Variants in CDH23 observed in about 807,000 individuals in gnomAD.
The protein encoded by CDH23 is cadherin-23.
A neutral mutation model predicts 317.1 loss-of-function variants in CDH23; 189 were observed. The ratio of observed to expected loss-of-function variants is 0.60; its 90% CI spans 0.53 to 0.67. CDH23 has a LOEUF of 0.67. Ranked by LOEUF, CDH23 falls within the 30% of genes least tolerant of loss-of-function variation. CDH23 has a pLI of 0.00. For synonymous variants in CDH23, 1,839 were observed against 1,876.8 expected, an observed-to-expected ratio of 0.98 and a Z score of 0.52; for missense variants, 4,401 against 4,592.4, an observed-to-expected ratio of 0.96 and a Z score of 1.20.
intron 26 of CDH23, among the ~76,000 whole-genome samples, chr10:71,708,061 C>G (rs376966719): frequency 6.6e-6 from 1 of 152,214 alleles, no homozygotes; most frequent in East Asian, 1.9e-4. Flanking sequence ...AGACCCCTCA[C>G]ATGGCACCAG....
At chr10:71,654,027 T>G (rs905416134) in intron 14 of CDH23, among the ~76,000 whole-genome samples, 1 of 152,178 alleles carries the variant, frequency 6.6e-6, no homozygotes, top group Non-Finnish European at 1.5e-5. Flanking sequence ...GTTGAGTTTT[T>G]GTCTGTGCTC....
chr10:71,736,513 C>T (rs1839570141), intron 34 of CDH23, among the ~76,000 whole-genome samples: 1 of 152,160 alleles, frequency 6.6e-6, no homozygotes, highest in African/African-American at 2.4e-5. Context: ...AAGTTCAGGC[C>T]TTCAGGGGGT....
chr10:71,662,990 G>A (rs1039512861), intron 14 of CDH23, among the ~76,000 whole-genome samples: 2 of 152,196 alleles, frequency 1.3e-5, no homozygotes, highest in African/African-American at 4.8e-5. Flanking sequence ...GTCTCTGCAT[G>A]CGTCTTCTCT....
chr10:71,702,212 G>C lies in CDH23; in HGVS notation c.2587+1G>C, dbSNP rs1271686561. 6.2e-7 allele frequency: 1 copy of C among 1,612,806 alleles called. No individual in the cohort carries two copies. The highest frequency in any genetic ancestry group is 2.2e-5 in the East Asian group (1 of 44,864). On this transcript the variant is annotated splice_donor_variant, in intron 23 of 69. Coordinates refer to ENST00000224721, the MANE Select transcript of CDH23 (RefSeq NM_022124.6). LOFTEE classifies it high-confidence loss of function. ...AAAATCGTCGTCTCTGTTACTGACT[G>C]TATGGACCCCTCTCGCCCCTCACGG... is the stretch of plus-strand genomic sequence containing the variant.
intron 1 of CDH23, among the ~76,000 whole-genome samples, chr10:71,429,980 G>C (rs991056639): frequency 2.0e-5 from 3 of 152,196 alleles, no homozygotes; most frequent in Non-Finnish European, 4.4e-5. Flanking sequence ...GTTCCAAGGT[G>C]GCTTCGTAGA....
chr10:71,761,122 C>T (rs554664968), intron 38 of CDH23, among the ~76,000 whole-genome samples: 1 of 152,280 alleles, frequency 6.6e-6, no homozygotes, highest in South Asian at 2.1e-4. Context: ...TTTCATGCCA[C>T]TCCCAGGGGC....
chr10:71,815,099 G>T lies in CDH23; in HGVS notation c.9886G>T (p.Asp3296Tyr). The T allele has an allele frequency of 6.2e-7, 1 of 1,611,050 alleles. No homozygotes were observed. Among genetic ancestry groups the T allele is most frequent in the Non-Finnish European group, 8.5e-7 (1 of 1,179,098 alleles). The part of the protein sequence containing the change: ...HGSTGTLLAT[D>Y]LNSLPEEDQK... Reference sequence around the variant, plus strand: ...CAGCACGGGCACGCTGCTGGCCACCGACCTCAACAGCCTGCCCGAGGAAGA... The same window carrying T: ...CAGCACGGGCACGCTGCTGGCCACCTACCTCAACAGCCTGCCCGAGGAAGA... Residue 3296 changes from aspartate to tyrosine, a missense_variant, in exon 70 of 70, where the codon GAC becomes TAC. Around this residue, in one of 3 missense-constraint regions of CDH23, gnomAD observed 1,144 missense variants for 1,138.2 expected, o/e 1.01. Transcript: ENST00000224721.
chr10:71,707,536 C>T, intron 26 of CDH23: 5 of 1,039,268 alleles, frequency 4.8e-6, no homozygotes, highest in Non-Finnish European at 5.8e-6. Context: ...GTCTGCAGAG[C>T]TGTGGCCACA....
intron 41 of CDH23, among the ~76,000 whole-genome samples, chr10:71,783,768 T>C (rs1841020620): frequency 6.6e-6 from 1 of 152,248 alleles, no homozygotes; most frequent in Non-Finnish European, 1.5e-5. Flanking sequence ...CTGCCCCTCA[T>C]CCGTCCCCTT....
At chr10:71,582,857 A>G (rs1451547323) in intron 9 of CDH23, among the ~76,000 whole-genome samples, 3 of 152,210 alleles carry the variant, frequency 2.0e-5, no homozygotes. Flanking sequence ...TTTGGTCAGG[A>G]GACAGACCTA....
rs565657378 is a variant in CDH23, at chr10:71,741,697, G to A, written c.4621G>A (p.Val1541Met). The A allele has an allele frequency of 8.3e-5, 134 of 1,606,768 alleles. No homozygotes were observed. Among genetic ancestry groups the A allele is most frequent in the African/African-American group, 7.2e-4 (54 of 74,920 alleles). The stretch of plus-strand genomic sequence containing the variant: ...TGCTCTCCTGCTCTCCTCCCAGAAC[G>A]TGGGTGGAGGTACTGCTGTGGTCCA... ...FGYNVSVNENVGGGTAVVQVR... is the reference protein window; with the variant it reads ...FGYNVSVNENMGGGTAVVQVR... The change falls in exon 38 of 70, where the codon GTG (valine) becomes ATG (methionine). Residue 1541 changes from valine (V) to methionine (M), a missense_variant. Val to Met is a conservative substitution (Grantham distance 21). Around this residue, in one of 3 missense-constraint regions of CDH23, gnomAD observed 3,068 missense variants for 3,203.3 expected, o/e 0.96. Coordinates refer to ENST00000224721, the MANE Select transcript of CDH23 (RefSeq NM_022124.6).
chr10:71,688,211 G>A (rs1049562280), intron 19 of CDH23, among the ~76,000 whole-genome samples: 1 of 152,238 alleles, frequency 6.6e-6, no homozygotes, highest in African/African-American at 2.4e-5. Flanking sequence ...AGCACCACCA[G>A]CTCCACACTC....
At chr10:71,587,500 T>A (rs1012912341) in intron 9 of CDH23, among the ~76,000 whole-genome samples, 2 of 152,148 alleles carry the variant, frequency 1.3e-5, no homozygotes, top group African/African-American at 4.8e-5. Context: ...GGATCATAAA[T>A]AAATCAGCAA....
At chr10:71,774,051 G>GCA (rs57159718) in intron 38 of CDH23, among the ~76,000 whole-genome samples, 6,127 of 88,424 alleles carry the variant, frequency 0.069, 170 homozygotes, top group Non-Finnish European at 0.1. Flanking sequence ...ATGCGCGCGC[G>GCA]CACACACACA....
rs1864425954 is a variant in CDH23, at chr10:71,677,561, CGAG to C, written c.1624_1626del (p.Glu542del). 1 of 1,611,314 alleles carries C rather than the reference CGAG, an allele frequency of 6.2e-7. No individual in the cohort carries two copies. The highest frequency in any genetic ancestry group is 8.5e-7 in the Non-Finnish European group (1 of 1,179,110). On this transcript the variant is annotated inframe_deletion, in exon 16 of 70. Coordinates refer to ENST00000224721, the MANE Select transcript of CDH23 (RefSeq NM_022124.6). ...CGATCATTGCCCGGGACGGGGGCGG[CGAG>C]GAGACCACAGGCCGGGTCAGGATCA... is the stretch of plus-strand genomic sequence containing the variant.
chr10:71,441,186 C>T (rs1047600112), intron 2 of CDH23, among the ~76,000 whole-genome samples: 4 of 152,116 alleles, frequency 2.6e-5, no homozygotes, highest in African/African-American at 9.7e-5. Flanking sequence ...CAAGGCTGTA[C>T]AAAGCAGGGG....
intron 3 of CDH23, among the ~76,000 whole-genome samples, chr10:71,496,696 G>A (rs1012536156): frequency 1.3e-5 from 2 of 152,340 alleles, no homozygotes; most frequent in East Asian, 1.9e-4. Flanking sequence ...GAAGATTGAA[G>A]GAACCTCAGA....
chr10:71,544,152 G>T (rs766733694), intron 6 of CDH23, among the ~76,000 whole-genome samples: 1 of 152,156 alleles, frequency 6.6e-6, no homozygotes, highest in Non-Finnish European at 1.5e-5. Flanking sequence ...CTTTCCTGAG[G>T]TTAGAAGCTA....
At chr10:71,604,398 C>T (rs1342405330) in intron 9 of CDH23, among the ~76,000 whole-genome samples, 2 of 152,232 alleles carry the variant, frequency 1.3e-5, no homozygotes, top group African/African-American at 2.4e-5. Context: ...CTGAGCACCT[C>T]GTCTGCCACG....
Sources: allele counts gnomAD v4.1 joint callset (sites outside exome capture counted in the v4.1 genomes callset), GRCh38; gene constraint gnomAD v4.1.1; regional missense constraint gnomAD v4.1.1; transcripts MANE v1.5; gene names NCBI Gene and HGNC (gene_info 2026-07-23, HGNC 2026-07-21).